Variants in CBY2 observed in about 807,000 individuals in gnomAD.
CBY2 encodes chibby family member 2.
Under a neutral mutation model 25.3 loss-of-function variants are expected in CBY2, and 23 were observed. The observed-to-expected ratio is 0.91, with a 90% CI of 0.65 to 1.29. The LOEUF is 1.29. Among genes scored for constraint, CBY2 ranks in the 50% most tolerant of loss-of-function variants. The pLI, the probability that CBY2 is intolerant of heterozygous loss-of-function variation, is 0.00. For missense variants in CBY2, 642 were observed against 590.7 expected (o/e 1.09, Z -0.90); for synonymous variants, 279 against 260.2 (o/e 1.07, Z -0.70).
chr13:45,704,627 G>C lies in CBY2; in HGVS notation c.156+1772G>C, dbSNP rs1390664930. 6.6e-6 allele frequency among the ~76,000 whole-genome samples: 1 copy of C among 152,196 alleles called. No individual in the cohort carries two copies. Among genetic ancestry groups the C allele is most frequent in the Non-Finnish European group, 1.5e-5 (1 of 68,032 alleles). The stretch of plus-strand genomic sequence containing the variant: ...ATGGCTTAGGGGACAGGGTTGATCT[G>C]GGAAGCAAGGAGAGGAAGAAATATT... On this transcript the variant is annotated intron_variant, in intron 2 of 2. Transcript: ENST00000310521. This position sits in a 1 kb window ranked among gnomAD's most constrained non-coding sequence, Gnocchi z 4.1.
Position 45,714,289 on chromosome 13 carries a change from G to A in CBY2, c.1264G>A (p.Ala422Thr). The change falls in exon 3 of 3, where the codon GCG becomes ACG. Residue 422 changes from alanine to threonine, a missense_variant. Coordinates refer to ENST00000310521, the MANE Select transcript of CBY2 (RefSeq NM_152719.3). The part of the protein sequence containing the change: ...LVIDTVTEVT[A>T]RMEMLIEELY... ...CATTGACACCGTGACCGAGGTCACCGCGCGCATGGAAATGCTCATCGAGGA... is the reference window on the plus strand; with the variant it reads ...CATTGACACCGTGACCGAGGTCACCACGCGCATGGAAATGCTCATCGAGGA... The A allele has an allele frequency of 6.2e-7, 1 of 1,613,132 alleles. No individual in the cohort carries two copies. The highest frequency in any genetic ancestry group is 8.5e-7 in the Non-Finnish European group (1 of 1,179,858).
At chr13:45,703,243 T>A in intron 2 of CBY2, 1 of 1,280,648 alleles carries the variant, frequency 7.8e-7, no homozygotes, top group Non-Finnish European at 9.9e-7. Flanking sequence ...TAAGAATGAA[T>A]CCATGAGAAG....
chr13:45,707,760 A>G (rs1222586258), intron 2 of CBY2, among the ~76,000 whole-genome samples: 3 of 151,130 alleles, frequency 2.0e-5, no homozygotes, highest in Non-Finnish European at 3.0e-5. Flanking sequence ...TAGAATAAAC[A>G]TGGAGTTTGG....
At chr13:45,709,946 T>G (rs1436711869) in intron 2 of CBY2, among the ~76,000 whole-genome samples, 1 of 152,224 alleles carries the variant, frequency 6.6e-6, no homozygotes, top group East Asian at 1.9e-4. Flanking sequence ...TAGTGCTGGT[T>G]ATTTAACATC....
At position 45,714,366 on chromosome 13, in the gene CBY2, G is replaced by A. The variant is rs1211846224; in HGVS notation, c.1341G>A (p.Arg447=). 6.3e-7 allele frequency: 1 copy of A among 1,597,248 alleles called. No individual in the cohort carries two copies. The stretch of plus-strand genomic sequence containing the variant: ...GCCAGGACCCCAAGAAGCCTAGCAG[G>A]GTCTGAGGCCTCGGCCTTGCACCGG... ...ARSQDPKKPS[R]V Residue 447 remains arginine (R), a synonymous_variant, in exon 3 of 3, where the codon AGG becomes AGA. Coordinates refer to ENST00000310521, the MANE Select transcript of CBY2 (RefSeq NM_152719.3).
chr13:45,703,668 G>A (rs1168579129), intron 2 of CBY2: 1 of 1,277,116 alleles, frequency 7.8e-7, no homozygotes, highest in Non-Finnish European at 1.1e-6. Flanking sequence ...ATATATAATT[G>A]TAACAATCTA....
Position 45,702,376 on chromosome 13 carries a change from C to T in CBY2, c.-15C>T. On this transcript the variant is annotated 5_prime_UTR_variant, in exon 1 of 3. Coordinates refer to ENST00000310521, the MANE Select transcript of CBY2 (RefSeq NM_152719.3). The stretch of plus-strand genomic sequence containing the variant: ...GAGAAACCATGAGCCCTGAAAAACA[C>T]CATATTGTTTTGTGATGTCACCTCT... The T allele has an allele frequency of 6.2e-7, 1 of 1,612,012 alleles. No homozygotes were observed. The highest frequency in any genetic ancestry group is 8.5e-7 in the Non-Finnish European group (1 of 1,178,056).
In CBY2 at chr13:45,714,078, C is replaced by G. The variant is rs528252989; in HGVS notation, c.1053C>G (p.Asp351Glu). The change falls in exon 3 of 3, where the codon GAC (aspartate) becomes GAG (glutamate). Residue 351 changes from aspartate to glutamate, a missense_variant. Coordinates refer to ENST00000310521, the MANE Select transcript of CBY2 (RefSeq NM_152719.3). ...CCAAGGTGGGCCCGGGCCTGCCCGA[C>G]GGCTGCCAGCCCCTGCAGCTGCTGA... ...EEAKVGPGLP[D>E]GCQPLQLLRE... is the part of the protein sequence containing the mutation. The G allele has an allele frequency of 1.3e-6, 2 of 1,527,540 alleles. No homozygotes were observed. Among genetic ancestry groups the G allele is most frequent in the African/African-American group, 2.8e-5 (2 of 72,610 alleles). The allele number at this position is 1,527,540 out of a possible 1,614,324, so 94.6% of individuals were successfully genotyped here. A position where few individuals can be genotyped will look rare whatever the true frequency, so the allele number is the denominator to read the frequency against.
In CBY2 at chr13:45,713,493, G is replaced by A. The variant is rs759711490; in HGVS notation, c.468G>A (p.Lys156=). 6.2e-6 allele frequency: 10 copies of A among 1,614,098 alleles called. No homozygotes were observed. The highest frequency in any genetic ancestry group is 5.5e-5 in the South Asian group (5 of 91,080). The part of the protein sequence containing the change: ...YFSPSASFHH[K]LHHKRLAKEC... ...CCCCATCCGCCTCCTTCCACCACAA[G>A]CTGCACCACAAGAGGCTGGCCAAGG... Residue 156 remains lysine (K), a synonymous_variant, in exon 3 of 3, where the codon AAG becomes AAA. Transcript: ENST00000310521. The surrounding 1 kb of genome is among the most constrained non-coding windows in gnomAD (Gnocchi z 5.0).
chr13:45,713,969 C>A lies in CBY2; in HGVS notation c.944C>A (p.Pro315Gln). ...CGCTTCGAGGAGCCCAAAGGGCCTC[C>A]GGCCCGGCAGGAGGACTCCAAGGAG... is the stretch of plus-strand genomic sequence containing the variant. ...SSRFEEPKGP[P>Q]ARQEDSKELR... The change falls in exon 3 of 3, where the codon CCG becomes CAG. Residue 315 changes from proline to glutamine, a missense_variant. Pro to Gln is a moderately conservative substitution (Grantham distance 76). Transcript: ENST00000310521. This position sits in a 1 kb window ranked among gnomAD's most constrained non-coding sequence, Gnocchi z 5.0. 6.6e-7 allele frequency: 1 copy of A among 1,517,466 alleles called. No homozygotes were observed. The highest frequency in any genetic ancestry group is 8.8e-7 in the Non-Finnish European group (1 of 1,137,866). 94.0% of individuals were successfully genotyped at this position (1,517,466 alleles called of 1,614,324 possible).
At chr13:45,709,736 G>C (rs1003609076) in intron 2 of CBY2, among the ~76,000 whole-genome samples, 5 of 152,150 alleles carry the variant, frequency 3.3e-5, no homozygotes, top group Non-Finnish European at 7.4e-5. Flanking sequence ...CTGAGTGATG[G>C]GTACATGGAC....
Position 45,713,885 on chromosome 13 carries a change from C to T in CBY2, c.860C>T (p.Pro287Leu), listed in dbSNP as rs1950293303. 1 of 1,532,346 alleles carries T rather than the reference C, an allele frequency of 6.5e-7. No individual in the cohort carries two copies. Among genetic ancestry groups the T allele is most frequent in the African/African-American group, 1.4e-5 (1 of 72,744 alleles). 94.9% of individuals were successfully genotyped at this position (1,532,346 alleles called of 1,614,324 possible). Reference protein sequence around the residue: ...PAEESKPAPSPHEEPCSPGLL... With the variant: ...PAEESKPAPSLHEEPCSPGLL... ...GAGGAAAGCAAGCCCGCCCCCTCAC[C>T]CCACGAGGAGCCCTGCAGCCCCGGG... Residue 287 changes from proline (P) to leucine (L), a missense_variant, in exon 3 of 3, where the codon CCC (proline) becomes CTC (leucine). Coordinates refer to ENST00000310521, the MANE Select transcript of CBY2 (RefSeq NM_152719.3). This position sits in a 1 kb window ranked among gnomAD's most constrained non-coding sequence, Gnocchi z 5.0.
chr13:45,703,328 A>G, intron 2 of CBY2: 1 of 1,404,610 alleles, frequency 7.1e-7, no homozygotes, highest in South Asian at 1.6e-5. Flanking sequence ...CTATGCATCA[A>G]AGACAGATGT....
chr13:45,706,747 T>C (rs1299594908), intron 2 of CBY2, among the ~76,000 whole-genome samples: 1 of 152,138 alleles, frequency 6.6e-6, no homozygotes, highest in African/African-American at 2.4e-5. Context: ...TGTCAAGGGC[T>C]AAAGGATATC....
rs1242283119 is a variant in CBY2 at position 45,713,642 on chromosome 13, C to A, written c.617C>A (p.Ser206Ter). The A allele has an allele frequency of 6.2e-7, 1 of 1,613,482 alleles. No individual in the cohort carries two copies. The highest frequency in any genetic ancestry group is 8.5e-7 in the Non-Finnish European group (1 of 1,179,984). Residue 206 changes from serine to a stop codon, truncating the protein, a stop_gained, in exon 3 of 3, where the codon TCG becomes TAG. Coordinates refer to ENST00000310521, the MANE Select transcript of CBY2 (RefSeq NM_152719.3). LOFTEE classifies it low-confidence loss of function (END_TRUNC). This position sits in a 1 kb window ranked among gnomAD's most constrained non-coding sequence, Gnocchi z 5.0. The part of the protein sequence containing the change: ...LQVFWEEHKA[S>*]LGREESRAPS... ...GTCTTCTGGGAGGAGCACAAGGCCTCGCTGGGCCGAGAGGAGAGCCGGGCC... is the reference window on the plus strand; with the variant it reads ...GTCTTCTGGGAGGAGCACAAGGCCTAGCTGGGCCGAGAGGAGAGCCGGGCC...
At chr13:45,703,760 T>C (rs1203016068) in intron 2 of CBY2, among the ~76,000 whole-genome samples, 2 of 152,248 alleles carry the variant, frequency 1.3e-5, no homozygotes, top group Non-Finnish European at 2.9e-5. Context: ...TTTATAACTT[T>C]GTAATGAACA....
At position 45,713,063 on chromosome 13, in the gene CBY2, T is replaced by C. The variant is rs1159304517; in HGVS notation, c.157-119T>C. The C allele has an allele frequency of 2.5e-6, 2 of 804,656 alleles. No homozygotes were observed. Among genetic ancestry groups the C allele is most frequent in the Non-Finnish European group, 3.8e-6 (2 of 521,486 alleles). The allele number at this position is 804,656 out of a possible 1,614,324, so 49.8% of individuals were successfully genotyped here. A position where few individuals can be genotyped will look rare whatever the true frequency, so the allele number is the denominator to read the frequency against. ...GACCCCAAGAAGCAAAAGCGCCCACTGTGGCCAGGCCAGACAATCAGACGG... is the reference window on the plus strand; with the variant it reads ...GACCCCAAGAAGCAAAAGCGCCCACCGTGGCCAGGCCAGACAATCAGACGG... On this transcript the variant is annotated intron_variant, in intron 2 of 2. Coordinates refer to ENST00000310521, the MANE Select transcript of CBY2 (RefSeq NM_152719.3). This position sits in a 1 kb window ranked among gnomAD's most constrained non-coding sequence, Gnocchi z 5.0.
rs746501243 is a variant in CBY2, at chr13:45,702,783, G to C, written c.84G>C (p.Arg28Ser). 2.5e-6 allele frequency: 4 copies of C among 1,613,894 alleles called. No homozygotes were observed. The highest frequency in any genetic ancestry group is 2.5e-6 in the Non-Finnish European group (3 of 1,179,854). ...TYTWQLTLHS[R>S]PNYTRKRDTR... Reference sequence around the variant, plus strand: ...TTTTCTCGTTTCCACAGCACTCAAGGCCAAATTATACAAGAAAAAGAGATA... The same window carrying C: ...TTTTCTCGTTTCCACAGCACTCAAGCCCAAATTATACAAGAAAAAGAGATA... Residue 28 changes from arginine (R) to serine (S), a missense_variant, in exon 2 of 3, where the codon AGG becomes AGC. Transcript: ENST00000310521.
intron 2 of CBY2, among the ~76,000 whole-genome samples, chr13:45,711,146 C>G (rs978665414): frequency 6.6e-6 from 1 of 152,178 alleles, no homozygotes; most frequent in African/African-American, 2.4e-5. Context: ...CAATCATCAC[C>G]TCTTCTCTAG....
Sources: allele counts gnomAD v4.1 joint callset (sites outside exome capture counted in the v4.1 genomes callset), GRCh38; gene constraint gnomAD v4.1.1; non-coding constraint Gnocchi (gnomAD v3.1); transcripts MANE v1.5; gene names NCBI Gene and HGNC (gene_info 2026-07-23, HGNC 2026-07-21).